Variants in CENPW observed in about 807,000 individuals in gnomAD.
CENPW encodes the protein cancer-up-regulated gene 2 protein.
A neutral mutation model predicts 11.1 loss-of-function variants in CENPW; 3 were observed. The observed-to-expected ratio is 0.27, with a 90% CI of 0.12 to 0.70. The LOEUF is 0.70. Among genes scored for constraint, CENPW ranks in the 30% least tolerant of loss-of-function variants. The probability of loss-of-function intolerance (pLI) is 0.77; values close to 1 mark genes in which losing one functional copy is unlikely to be tolerated. For synonymous variants in CENPW, 38 were observed against 42.0 expected (o/e 0.91, Z 0.37); for missense variants, 100 against 105.6 (o/e 0.95, Z 0.23).
the CENPW span, among the ~76,000 whole-genome samples, chr6:126,353,975 G>A: frequency 2.0e-5 from 3 of 151,056 alleles, no homozygotes; most frequent in East Asian, 1.9e-4. Context: ...ATTCTTAATT[G>A]TTTTATCTAT....
At chr6:126,412,457 T>C in the CENPW span, among the ~76,000 whole-genome samples, 10 of 152,182 alleles carry the variant, frequency 6.6e-5, no homozygotes, top group African/African-American at 2.4e-4. Flanking sequence ...TGATCAGTGA[T>C]TTTTGTATTG....
chr6:126,366,206 G>C, the CENPW span, among the ~76,000 whole-genome samples: 1 of 152,110 alleles, frequency 6.6e-6, no homozygotes, highest in African/African-American at 2.4e-5. Flanking sequence ...TCAAGTTAGA[G>C]CCTTCAAAAT....
the CENPW span, among the ~76,000 whole-genome samples, chr6:126,408,410 C>T: frequency 6.6e-6 from 1 of 152,088 alleles, no homozygotes; most frequent in African/African-American, 2.4e-5. Context: ...ATAAAATCAT[C>T]AGATCTCGTG....
chr6:126,351,694 G>A (rs1177537457), downstream of CENPW, among the ~76,000 whole-genome samples: 1 of 151,828 alleles, frequency 6.6e-6, no homozygotes, highest in East Asian at 1.9e-4. Flanking sequence ...TTCCTTTTTG[G>A]GAAAATCAGG....
the CENPW span, among the ~76,000 whole-genome samples, chr6:126,425,075 G>A: frequency 1.3e-5 from 2 of 152,022 alleles, no homozygotes; most frequent in African/African-American, 4.8e-5. Context: ...TGAACATCTT[G>A]GGAAAGCAGT....
chr6:126,442,619 T>C, the CENPW span, among the ~76,000 whole-genome samples: 5 of 151,336 alleles, frequency 3.3e-5, no homozygotes, highest in Non-Finnish European at 4.4e-5. Flanking sequence ...CATGAGCCTC[T>C]AAGTTTCCCC....
chr6:126,361,097 C>T, the CENPW span, among the ~76,000 whole-genome samples: 2 of 152,034 alleles, frequency 1.3e-5, no homozygotes, highest in Non-Finnish European at 2.9e-5. Flanking sequence ...GTTCATTTCG[C>T]GATGCATTCA....
chr6:126,415,201 TA>T, the CENPW span, among the ~76,000 whole-genome samples: 1 of 151,948 alleles, frequency 6.6e-6, no homozygotes, highest in East Asian at 1.9e-4. Context: ...TATGTTCCCA[TA>T]AGTGGGTTGA....
At chr6:126,402,382 T>C in the CENPW span, among the ~76,000 whole-genome samples, 2 of 151,924 alleles carry the variant, frequency 1.3e-5, no homozygotes, top group African/African-American at 4.8e-5. Flanking sequence ...CACAGATTTA[T>C]TGAGATGTAA....
the CENPW span, among the ~76,000 whole-genome samples, chr6:126,457,251 C>A: frequency 6.6e-6 from 1 of 151,422 alleles, no homozygotes; most frequent in Non-Finnish European, 1.5e-5. Context: ...CTTATAAAGA[C>A]ATATGCACAT....
Position 126,340,358 on chromosome 6 carries a change from A to C in CENPW, c.85A>C (p.Lys29Gln). 1.2e-6 allele frequency: 2 copies of C among 1,614,158 alleles called. No homozygotes were observed. The highest frequency in any genetic ancestry group is 1.3e-5 in the African/African-American group (1 of 75,044). Residue 29 changes from lysine to glutamine, a missense_variant, in exon 1 of 3, where the codon AAG becomes CAG. By Grantham distance (53) the Lys-to-Gln change is moderately conservative. Transcript: ENST00000368328. ...CTTTCTAAAGCGAGTCTTCAAGCGA[A>C]AGAAGCCTCAACTTCGTCTGGAGAA... The part of the protein sequence containing the change: ...RGFLKRVFKR[K>Q]KPQLRLEKSG...
chr6:126,426,685 C>A, the CENPW span, among the ~76,000 whole-genome samples: 3 of 152,060 alleles, frequency 2.0e-5, no homozygotes, highest in East Asian at 3.9e-4. Flanking sequence ...ATAAAATGAA[C>A]CTCTACTGTT....
At chr6:126,380,997 C>G in the CENPW span, among the ~76,000 whole-genome samples, 7 of 152,096 alleles carry the variant, frequency 4.6e-5, no homozygotes, top group Non-Finnish European at 1.0e-4. Context: ...TGGCAAGAAC[C>G]TCCCACCCTT....
chr6:126,419,229 G>C, the CENPW span, among the ~76,000 whole-genome samples: 6 of 152,134 alleles, frequency 3.9e-5, no homozygotes, highest in Admixed American at 2.0e-4. Flanking sequence ...TAGTGCAGGA[G>C]AGTCTAAGTT....
chr6:126,384,346 G>A, the CENPW span, among the ~76,000 whole-genome samples: 33 of 152,156 alleles, frequency 2.2e-4, no homozygotes, highest in African/African-American at 7.5e-4. Flanking sequence ...AGATAGCAAA[G>A]CAGGAGGCAC....
chr6:126,446,288 T>C, the CENPW span, among the ~76,000 whole-genome samples: 1 of 151,050 alleles, frequency 6.6e-6, no homozygotes, highest in African/African-American at 2.4e-5. Flanking sequence ...CATGCAGTTT[T>C]TGTGTTTTTC....
At chr6:126,468,447 A>G in the CENPW span, among the ~76,000 whole-genome samples, 3 of 131,838 alleles carry the variant, frequency 2.3e-5, no homozygotes, top group South Asian at 7.7e-4. Context: ...AAAAAAAAGG[A>G]GAAAGAAATG....
chr6:126,445,125 T>C, the CENPW span, among the ~76,000 whole-genome samples: 1 of 151,168 alleles, frequency 6.6e-6, no homozygotes, highest in Non-Finnish European at 1.5e-5. Flanking sequence ...ATTGACTCAC[T>C]GAGCTTTCAC....
At chr6:126,357,709 A>G in the CENPW span, among the ~76,000 whole-genome samples, 2 of 152,016 alleles carry the variant, frequency 1.3e-5, no homozygotes, top group Admixed American at 6.5e-5. Context: ...CCCAGGTTCA[A>G]GTGATTGTCC....
Sources: gnomAD v4.1 joint callset for allele counts (sites outside exome capture counted in the v4.1 genomes callset) on GRCh38, gnomAD v4.1.1 for gene constraint, MANE v1.5 for transcripts, NCBI Gene and HGNC (gene_info 2026-07-23, HGNC 2026-07-21) for gene names.